The following PAK2 variants were observed in gnomAD, a reference collection of about 807,000 sequenced individuals.
PAK2 encodes serine/threonine-protein kinase PAK 2.
Under a neutral mutation model 65.9 loss-of-function variants are expected in PAK2, and 21 were observed. The ratio of observed to expected loss-of-function variants is 0.32; its 90% CI spans 0.23 to 0.46. The LOEUF (loss-of-function observed/expected upper bound fraction) is 0.46, where lower values mean the gene tolerates loss of function less well. Ranked by LOEUF, PAK2 falls within the 20% of genes least tolerant of loss-of-function variation. PAK2 has a pLI of 1.00. For missense variants in PAK2, 324 were observed against 642.6 expected, an observed-to-expected ratio of 0.50 and a Z score of 5.36; for synonymous variants, 204 against 219.7, an observed-to-expected ratio of 0.93 and a Z score of 0.63.
chr3:196,826,203 G>T (rs112384860), intron 13 of PAK2, among the ~76,000 whole-genome samples: 1 of 149,758 alleles, frequency 6.7e-6, no homozygotes, highest in Admixed American at 6.7e-5. Context: ...ACGGAGTCTC[G>T]CTCTGTCGCC....
At chr3:196,826,200 CTCGCTCTG>C (rs1030702220) in intron 13 of PAK2, among the ~76,000 whole-genome samples, 82 of 151,682 alleles carry the variant, frequency 5.4e-4, no homozygotes, top group African/African-American at 1.8e-3. Flanking sequence ...GGGACGGAGT[CTCGCTCTG>C]TCGCCCAGGC....
intron 1 of PAK2, among the ~76,000 whole-genome samples, chr3:196,758,594 A>G (rs1713841539): frequency 6.6e-6 from 1 of 152,250 alleles, no homozygotes; most frequent in Non-Finnish European, 1.5e-5. Context: ...GGCTTTACCT[A>G]AGAACCATGA....
chr3:196,793,967 C>T (rs1577726202), intron 2 of PAK2, among the ~76,000 whole-genome samples: 1 of 151,910 alleles, frequency 6.6e-6, no homozygotes, highest in East Asian at 1.9e-4. Context: ...CCCATCTCTA[C>T]TAAAAATACA....
At chr3:196,787,158 C>T (rs541269109) in intron 2 of PAK2, among the ~76,000 whole-genome samples, 2 of 152,164 alleles carry the variant, frequency 1.3e-5, no homozygotes, top group East Asian at 3.9e-4. Context: ...TGGAACAAAT[C>T]TCTTAACCAG....
At chr3:196,793,632 A>G (rs564827792) in intron 2 of PAK2, among the ~76,000 whole-genome samples, 92 of 151,958 alleles carry the variant, frequency 6.1e-4, no homozygotes, top group Middle Eastern at 3.4e-3. Flanking sequence ...TGTAAGGAGA[A>G]AAAAAACCCC....
At chr3:196,786,308 G>A (rs543706107) in intron 2 of PAK2, among the ~76,000 whole-genome samples, 15 of 151,836 alleles carry the variant, frequency 9.9e-5, no homozygotes, top group African/African-American at 3.4e-4. Flanking sequence ...GATTACAGGC[G>A]CCTGCCACCG....
At position 196,791,684 on chromosome 3, in the gene PAK2, G is replaced by A. The variant is rs900500960; in HGVS notation, c.187+8851G>A. On this transcript the variant is annotated intron_variant, in intron 2 of 14. Transcript: ENST00000327134. The surrounding 1 kb of genome is among the most constrained non-coding windows in gnomAD (Gnocchi z 4.0). The stretch of plus-strand genomic sequence containing the variant: ...TCACGCCTGTAATCCCAGCACTTTG[G>A]GAGGCCGAGGCAGGTGGATCACGAG... Among the ~76,000 whole-genome samples, 6 of 152,174 alleles carry A rather than the reference G, an allele frequency of 3.9e-5. No individual in the cohort carries two copies. The highest frequency in any genetic ancestry group is 1.4e-4 in the African/African-American group (6 of 41,534).
chr3:196,812,601 T>C (rs1715864658), intron 9 of PAK2, 138 bp from the exon 10 acceptor site: 6 of 601,480 alleles, frequency 1.0e-5, no homozygotes, highest in Admixed American at 8.9e-5. Context: ...ACAGGCAGTG[T>C]GCAAGGCAAG....
intron 1 of PAK2, among the ~76,000 whole-genome samples, chr3:196,772,152 C>T (rs1714380235): frequency 6.6e-6 from 1 of 152,106 alleles, no homozygotes. Context: ...TCTCTTGTTC[C>T]TTTCTGTCCA....
chr3:196,812,999 G>C, intron 10 of PAK2, 148 bp downstream of exon 10: 2 of 572,276 alleles, frequency 3.5e-6, no homozygotes, highest in Non-Finnish European at 6.3e-6. Context: ...AAATAGCACA[G>C]TGCAGTTTTA....
At chr3:196,772,043 C>T (rs958610124) in intron 1 of PAK2, among the ~76,000 whole-genome samples, 2 of 152,100 alleles carry the variant, frequency 1.3e-5, no homozygotes, top group Middle Eastern at 3.2e-3. Flanking sequence ...CTTTTATTTT[C>T]AAGCTGCTTC....
At chr3:196,772,559 G>T (rs894105111) in intron 1 of PAK2, among the ~76,000 whole-genome samples, 1 of 151,966 alleles carries the variant, frequency 6.6e-6, no homozygotes, top group East Asian at 1.9e-4. Context: ...CTCTTTTCTC[G>T]CTTTCCCTCT....
intron 1 of PAK2, among the ~76,000 whole-genome samples, chr3:196,745,115 C>A (rs1577691511): frequency 7.8e-6 from 1 of 127,644 alleles, no homozygotes; most frequent in African/African-American, 2.7e-5. Flanking sequence ...TATTGTGTTT[C>A]AATCTTTTTT....
At chr3:196,798,296 A>G (rs1015758722) in intron 2 of PAK2, among the ~76,000 whole-genome samples, 3 of 152,032 alleles carry the variant, frequency 2.0e-5, no homozygotes, top group Non-Finnish European at 2.9e-5. Flanking sequence ...CAGATTTTAC[A>G]GATATTAAAA....
In PAK2 at chr3:196,761,162, T is replaced by TTTTA. The variant is rs1553801124; in HGVS notation, c.-22+21005_-22+21006insTTTA. Among the ~76,000 whole-genome samples, 184 of 140,292 alleles carry TTTTA rather than the reference T, an allele frequency of 1.3e-3. 3 individuals are homozygous for TTTTA. In the Middle Eastern group the frequency reaches 0.018, roughly 14 times the overall value. 92.0% of individuals were successfully genotyped at this position (140,292 alleles called of 152,430 possible). A position where few individuals can be genotyped will look rare whatever the true frequency, so the allele number is the denominator to read the frequency against. ...GAGAACCGCTTTTTTTTTTTTTTTTTAATTTATTTTTTTATTGATAATTCT... is the reference window on the plus strand; with the variant it reads ...GAGAACCGCTTTTTTTTTTTTTTTTTTTTAAATTTATTTTTTTATTGATAATTCT... On this transcript the variant is annotated intron_variant, in intron 1 of 14. Transcript: ENST00000327134.
chr3:196,769,720 G>C (rs1714300988), intron 1 of PAK2, among the ~76,000 whole-genome samples: 1 of 151,940 alleles, frequency 6.6e-6, no homozygotes, highest in African/African-American at 2.4e-5. Flanking sequence ...GGGAAGCTGA[G>C]GCAGGAGAAT....
chr3:196,764,636 T>A (rs1205489482), intron 1 of PAK2, among the ~76,000 whole-genome samples: 9 of 145,644 alleles, frequency 6.2e-5, no homozygotes, highest in East Asian at 4.0e-4. Flanking sequence ...AATAAATAAA[T>A]AAATACAGAT....
chr3:196,814,416 A>G (rs1381200391), intron 10 of PAK2, 35 bp from the exon 11 acceptor site: 3 of 778,724 alleles, frequency 3.9e-6, no homozygotes, highest in Non-Finnish European at 6.6e-6. Flanking sequence ...AGGAAAAATA[A>G]AAGTGTGACT....
In PAK2 at chr3:196,831,035, C is replaced by T. The variant is rs530881024; in HGVS notation, c.*2630C>T. On this transcript the variant is annotated 3_prime_UTR_variant, in exon 15 of 15. Transcript: ENST00000327134. Reference sequence around the variant, plus strand: ...CTGAGTAGCTGAGACCACAGGCACCCGCCACCACACCCAGCTATTTTTTTG... The same window carrying T: ...CTGAGTAGCTGAGACCACAGGCACCTGCCACCACACCCAGCTATTTTTTTG... 2 of 152,198 alleles carry T rather than the reference C, an allele frequency of 1.3e-5. No homozygotes were observed. Among genetic ancestry groups the T allele is most frequent in the East Asian group, 1.9e-4 (1 of 5,172 alleles). The allele number at this position is 152,198 out of a possible 1,614,324, so 9.4% of individuals were successfully genotyped here. A position where few individuals can be genotyped will look rare whatever the true frequency, so the allele number is the denominator to read the frequency against.
Sources: allele counts gnomAD v4.1 joint callset (sites outside exome capture counted in the v4.1 genomes callset), GRCh38; gene constraint gnomAD v4.1.1; non-coding constraint Gnocchi (gnomAD v3.1); transcripts MANE v1.5; gene names NCBI Gene and HGNC (gene_info 2026-07-23, HGNC 2026-07-21).